The following RAB27B variants were observed in gnomAD, a reference collection of about 807,000 sequenced individuals.
The protein encoded by RAB27B is ras-related protein Rab-27B.
Under a neutral mutation model 24.6 loss-of-function variants are expected in RAB27B, and 15 were observed. That is an observed-to-expected ratio of 0.61 (90% CI 0.41 to 0.94). The LOEUF is 0.94. Among genes scored for constraint, RAB27B ranks in the 40% least tolerant of loss-of-function variants. The pLI, the probability that RAB27B is intolerant of heterozygous loss-of-function variation, is 0.00. For synonymous variants in RAB27B, 105 were observed against 92.5 expected, an observed-to-expected ratio of 1.14 and a Z score of -0.78; for missense variants, 261 against 266.8, an observed-to-expected ratio of 0.98 and a Z score of 0.15.
chr18:54,728,920 A>AC (rs1909638124), intron 2 of RAB27B, among the ~76,000 whole-genome samples: 1 of 146,736 alleles, frequency 6.8e-6, no homozygotes, highest in African/African-American at 2.5e-5. Context: ...AAAAAAAAAA[A>AC]AAACCACCAC....
chr18:54,851,916 A>G (rs1911605399), intron 1 of RAB27B, among the ~76,000 whole-genome samples: 1 of 152,188 alleles, frequency 6.6e-6, no homozygotes, highest in Non-Finnish European at 1.5e-5. Flanking sequence ...CTTAATAATT[A>G]TTTTGGTGAT....
intron 2 of RAB27B, among the ~76,000 whole-genome samples, chr18:54,741,081 T>A (rs1422812749): frequency 6.6e-6 from 1 of 152,176 alleles, no homozygotes; most frequent in Non-Finnish European, 1.5e-5. Flanking sequence ...ATACAAAACC[T>A]AAGAGGCAAG....
intron 2 of RAB27B, among the ~76,000 whole-genome samples, chr18:54,746,513 C>A (rs549904429): frequency 6.6e-6 from 1 of 152,248 alleles, no homozygotes; most frequent in South Asian, 2.1e-4. Flanking sequence ...TTATACAGAT[C>A]AGAGATGCTT....
intron 2 of RAB27B, among the ~76,000 whole-genome samples, chr18:54,721,235 T>G (rs898086773): frequency 1.1e-4 from 17 of 152,310 alleles, no homozygotes; most frequent in African/African-American, 4.1e-4. Context: ...CATACATTTG[T>G]TGATATGCAA....
At chr18:54,862,985 T>C (rs1434405691) in intron 1 of RAB27B, among the ~76,000 whole-genome samples, 1 of 152,196 alleles carries the variant, frequency 6.6e-6, no homozygotes, top group Non-Finnish European at 1.5e-5. Flanking sequence ...TTCATTTCCA[T>C]AGAGTTTTTA....
At chr18:54,740,771 A>G (rs765498003) in intron 2 of RAB27B, among the ~76,000 whole-genome samples, 2 of 152,228 alleles carry the variant, frequency 1.3e-5, no homozygotes, top group Non-Finnish European at 2.9e-5. Context: ...ATAAGCCAGT[A>G]TATAGCAGGC....
At position 54,846,844 on chromosome 18, in the gene RAB27B, T is replaced by TTTTG. The variant is rs370822510; in HGVS notation, c.-20+18164_-20+18167dup. On this transcript the variant is annotated intron_variant, in intron 1 of 5. Transcript: ENST00000262094. ...AAATAGAAATGGACTTCACATGACT[T>TTTTG]TTTGTTTGTTTGTTTGTTTGTTTTG... 9.0e-4 allele frequency among the ~76,000 whole-genome samples: 137 copies of TTTTG among 152,108 alleles called. 1 individual carries two copies. The highest frequency in any genetic ancestry group is 3.1e-3 in the African/African-American group (130 of 41,522).
chr18:54,807,192 C>G (rs2145141791), intron 2 of RAB27B, among the ~76,000 whole-genome samples: 1 of 152,328 alleles, frequency 6.6e-6, no homozygotes, highest in East Asian at 1.9e-4. Flanking sequence ...AGCCACCGCG[C>G]CCGGCCTAAG....
chr18:54,881,916 G>T (rs1484349484), intron 3 of RAB27B, among the ~76,000 whole-genome samples: 1 of 152,110 alleles, frequency 6.6e-6, no homozygotes, highest in Non-Finnish European at 1.5e-5. Flanking sequence ...ACACAGTTTT[G>T]TTCTCAAATG....
intron 1 of RAB27B, among the ~76,000 whole-genome samples, chr18:54,863,560 G>C (rs1912090302): frequency 6.6e-6 from 1 of 152,100 alleles, no homozygotes; most frequent in African/African-American, 2.4e-5. Context: ...AAAGAGTACA[G>C]TTCAGTGTTT....
intron 3 of RAB27B, chr18:54,879,926 A>G (rs1413142256): frequency 1.3e-5 from 2 of 155,208 alleles, no homozygotes; most frequent in Non-Finnish European, 2.9e-5. Context: ...TCCAGCTAGA[A>G]TATTTTACTC....
intron 2 of RAB27B, among the ~76,000 whole-genome samples, chr18:54,773,606 T>C (rs1908621931): frequency 6.6e-6 from 1 of 152,162 alleles, no homozygotes; most frequent in African/African-American, 2.4e-5. Flanking sequence ...ATAAGAAGGA[T>C]TCTTTGCCAT....
chr18:54,887,847 A>C (rs1455022863), intron 4 of RAB27B, 148 bp from the exon 5 acceptor site: 1 of 809,416 alleles, frequency 1.2e-6, no homozygotes, highest in Non-Finnish European at 1.9e-6. Context: ...GCACATTGTG[A>C]CTGGGAAGAG....
rs1264447602 is a variant in RAB27B at position 54,777,317 on chromosome 18, TGCAGTTCTCTTA to T, written c.-20+59178_-20+59189del. Among the ~76,000 whole-genome samples, 13 of 152,284 alleles carry T rather than the reference TGCAGTTCTCTTA, an allele frequency of 8.5e-5. No homozygotes were observed. In the South Asian group the frequency reaches 2.7e-3, roughly 32 times the overall value. ...AAGTACTTGGGCAGGACAGAGAACT[TGCAGTTCTCTTA>T]GATCTCTTGGGTACAGGGATGGGTG... On this transcript the variant is annotated intron_variant, in intron 2 of 4. Coordinates refer to the RAB27B transcript ENST00000586570.
At chr18:54,792,031 C>T (rs559662162) in intron 2 of RAB27B, among the ~76,000 whole-genome samples, 12 of 152,246 alleles carry the variant, frequency 7.9e-5, no homozygotes, top group Non-Finnish European at 1.0e-4. Context: ...CTGATTTTTC[C>T]AGCACGCCAA....
At position 54,894,065 on chromosome 18, in the gene RAB27B, T is replaced by G. The variant is rs1913475453; in HGVS notation, c.*4652T>G. ...CATATAAATCTAATTTTTCCATAAA[T>G]TAGATTTATGATATTTTCATAAAGC... On this transcript the variant is annotated 3_prime_UTR_variant, in exon 6 of 6. Coordinates refer to ENST00000262094, the MANE Select transcript of RAB27B (RefSeq NM_004163.4). 6.6e-6 allele frequency: 1 copy of G among 151,952 alleles called. No individual in the cohort carries two copies. Among genetic ancestry groups the G allele is most frequent in the Non-Finnish European group, 1.5e-5 (1 of 67,910 alleles). 9.4% of individuals were successfully genotyped at this position (151,952 alleles called of 1,614,324 possible).
intron 1 of RAB27B, among the ~76,000 whole-genome samples, chr18:54,845,405 C>CA (rs66477137): frequency 4.2e-5 from 5 of 118,900 alleles, no homozygotes; most frequent in African/African-American, 9.6e-5. Flanking sequence ...GACTCCATCT[C>CA]AAAAAAAAAA....
chr18:54,833,272 G>A (rs1910764110), intron 1 of RAB27B, among the ~76,000 whole-genome samples: 1 of 131,120 alleles, frequency 7.6e-6, no homozygotes. Flanking sequence ...TGTTGCCCAG[G>A]CTGGAGTGCA....
At chr18:54,854,550 A>C (rs946072580) in intron 1 of RAB27B, among the ~76,000 whole-genome samples, 1 of 152,116 alleles carries the variant, frequency 6.6e-6, no homozygotes, top group Admixed American at 6.6e-5. Context: ...TTTTAAAAAC[A>C]TGTAGAGATT....
Sources: allele counts gnomAD v4.1 joint callset (sites outside exome capture counted in the v4.1 genomes callset), GRCh38; gene constraint gnomAD v4.1.1; transcripts MANE v1.5; gene names NCBI Gene and HGNC (gene_info 2026-07-23, HGNC 2026-07-21).